The following MAN2A1 variants were observed in gnomAD, a reference collection of about 807,000 sequenced individuals.
MAN2A1 encodes the protein alpha-mannosidase 2.
In MAN2A1, 76 loss-of-function variants were observed where a neutral mutation model predicts 142.6. The observed-to-expected ratio is 0.53, with a 90% CI of 0.44 to 0.65. The LOEUF is 0.65. Ranked by LOEUF, MAN2A1 falls within the 30% of genes least tolerant of loss-of-function variation. The pLI is 0.00. For missense variants in MAN2A1, 1,311 were observed against 1,365.1 expected (o/e 0.96, Z 0.62); for synonymous variants, 559 against 473.2 (o/e 1.18, Z -2.35).
chr5:109,716,484 AAT>A (rs1751456244), intron 3 of MAN2A1, among the ~76,000 whole-genome samples: 1 of 152,236 alleles, frequency 6.6e-6, no homozygotes, highest in South Asian at 2.1e-4. Flanking sequence ...ATGAAATGGT[AAT>A]AAACAAAAAA....
intron 1 of MAN2A1, among the ~76,000 whole-genome samples, chr5:109,707,456 A>G (rs62377025): frequency 6.6e-6 from 1 of 152,174 alleles, no homozygotes; most frequent in African/African-American, 2.4e-5. Context: ...ATCAGGGTAC[A>G]GTACATTGAG....
At chr5:109,759,618 A>G (rs1752780914) in intron 5 of MAN2A1, among the ~76,000 whole-genome samples, 1 of 152,168 alleles carries the variant, frequency 6.6e-6, no homozygotes, top group South Asian at 2.1e-4. Context: ...AATGTTTACT[A>G]GCACTAGAAT....
At chr5:109,837,117 AGTGAACATGCTG>A (rs1416669789) in intron 16 of MAN2A1, among the ~76,000 whole-genome samples, 2 of 149,110 alleles carry the variant, frequency 1.3e-5, no homozygotes, top group African/African-American at 5.0e-5. Context: ...GCCAGTATGC[AGTGAACATGCTG>A]GTGTGTGCCT....
intron 16 of MAN2A1, chr5:109,839,989 C>T (rs1347384491): frequency 6.6e-6 from 1 of 150,568 alleles, no homozygotes; most frequent in East Asian, 2.0e-4. Context: ...ATTTTATTCA[C>T]TAACACATGC....
intron 1 of MAN2A1, among the ~76,000 whole-genome samples, chr5:109,696,814 C>T (rs1054840332): frequency 3.3e-5 from 5 of 152,158 alleles, no homozygotes; most frequent in African/African-American, 4.8e-5. Flanking sequence ...GATCAAAAGG[C>T]CGAAGCTCAA....
chr5:109,789,383 T>C (rs1266022525), intron 11 of MAN2A1, 77 bp from the exon 12 acceptor site: 1 of 834,696 alleles, frequency 1.2e-6, no homozygotes, highest in Non-Finnish European at 1.9e-6. Flanking sequence ...TAAACTTGAA[T>C]TTGAATGGTC....
In MAN2A1 at chr5:109,819,905, C is replaced by G; in HGVS notation, c.2328+18C>G. 2 of 1,473,544 alleles carry G rather than the reference C, an allele frequency of 1.4e-6. No homozygotes were observed. Among genetic ancestry groups the G allele is most frequent in the Non-Finnish European group, 1.8e-6 (2 of 1,090,906 alleles). 91.3% of individuals were successfully genotyped at this position (1,473,544 alleles called of 1,614,324 possible). A position where few individuals can be genotyped will look rare whatever the true frequency, so the allele number is the denominator to read the frequency against. Reference sequence around the variant, plus strand: ...TTATGAAGGTATGTTCTGAATAGTTCTAAAATTCATAGAATGCTTATCATT... The same window carrying G: ...TTATGAAGGTATGTTCTGAATAGTTGTAAAATTCATAGAATGCTTATCATT... On this transcript the variant is annotated intron_variant, in intron 14 of 21. Transcript: ENST00000261483.
intron 5 of MAN2A1, 67 bp from the exon 6 acceptor site, chr5:109,767,468 G>A (rs1753023032): frequency 1.5e-6 from 2 of 1,295,684 alleles, no homozygotes; most frequent in African/African-American, 3.0e-5. Context: ...GAGTCTGAAT[G>A]TGTTGTGACT....
intron 12 of MAN2A1, among the ~76,000 whole-genome samples, chr5:109,811,611 T>C (rs1269160197): frequency 6.6e-6 from 1 of 151,956 alleles, no homozygotes; most frequent in Non-Finnish European, 1.5e-5. Context: ...TGTGTGTCTG[T>C]GTCTGTGTGT....
At chr5:109,864,853 G>A (rs948753351) in intron 20 of MAN2A1, 183 bp from the exon 21 acceptor site, 5 of 601,022 alleles carry the variant, frequency 8.3e-6, no homozygotes, top group African/African-American at 5.6e-5. Flanking sequence ...CTCAGTACAA[G>A]TAGGAGAGAA....
At chr5:109,693,321 A>G (rs1484597696) in intron 1 of MAN2A1, among the ~76,000 whole-genome samples, 1 of 151,716 alleles carries the variant, frequency 6.6e-6, no homozygotes, top group Admixed American at 6.6e-5. Flanking sequence ...AATACCAAAC[A>G]TAGCAAAAGG....
rs146816739 is a variant in MAN2A1 at position 109,824,849 on chromosome 5, A to G, written c.2566+1012A>G. ...AATTTTGCTTTTATTTAACTTTTTT[A>G]TTAACTTCAAATTTCATTAGTATTT... On this transcript the variant is annotated intron_variant, in intron 16 of 21. Coordinates refer to ENST00000261483, the MANE Select transcript of MAN2A1 (RefSeq NM_002372.4). 4.7e-4 allele frequency among the ~76,000 whole-genome samples: 72 copies of G among 152,238 alleles called. 1 individual carries two copies. Among genetic ancestry groups the G allele is most frequent in the Middle Eastern group, 3.4e-3 (1 of 294 alleles).
At chr5:109,783,318 C>T (rs1753510422) in intron 9 of MAN2A1, among the ~76,000 whole-genome samples, 1 of 152,232 alleles carries the variant, frequency 6.6e-6, no homozygotes, top group East Asian at 1.9e-4. Context: ...TTTCATCTCT[C>T]TGCTCATTTG....
chr5:109,724,461 A>T (rs1236416998), intron 3 of MAN2A1, among the ~76,000 whole-genome samples: 1 of 152,178 alleles, frequency 6.6e-6, no homozygotes, highest in African/African-American at 2.4e-5. Context: ...ATGAAAGGAT[A>T]TTTCTGTTTT....
chr5:109,767,765 G>A (rs910378359), intron 6 of MAN2A1, 57 bp downstream of exon 6: 26 of 1,426,688 alleles, frequency 1.8e-5, no homozygotes, highest in Non-Finnish European at 2.5e-5. Flanking sequence ...TTTCACAAGG[G>A]TTATGAACTC....
intron 12 of MAN2A1, among the ~76,000 whole-genome samples, chr5:109,793,973 C>A (rs1753799011): frequency 6.6e-6 from 1 of 152,066 alleles, no homozygotes; most frequent in Non-Finnish European, 1.5e-5. Flanking sequence ...TAGCTTTTTT[C>A]TTTTCTTATG....
intron 1 of MAN2A1, among the ~76,000 whole-genome samples, chr5:109,700,479 T>G (rs1490565734): frequency 6.6e-6 from 1 of 152,158 alleles, no homozygotes; most frequent in East Asian, 1.9e-4. Flanking sequence ...GTGGCATTTA[T>G]GGGTCCTGGC....
chr5:109,724,756 G>A (rs182305454), intron 3 of MAN2A1, among the ~76,000 whole-genome samples: 46 of 152,160 alleles, frequency 3.0e-4, no homozygotes, highest in Admixed American at 9.8e-4. Context: ...TTTGTGGAGC[G>A]GGGTGCCTTC....
At chr5:109,797,262 A>T (rs893272617) in intron 12 of MAN2A1, among the ~76,000 whole-genome samples, 1 of 152,024 alleles carries the variant, frequency 6.6e-6, no homozygotes, top group Non-Finnish European at 1.5e-5. Flanking sequence ...AAATTTTTTT[A>T]AAAAAAGAGG....
Sources: gnomAD v4.1 joint callset for allele counts (sites outside exome capture counted in the v4.1 genomes callset) on GRCh38, gnomAD v4.1.1 for gene constraint, MANE v1.5 for transcripts, NCBI Gene and HGNC (gene_info 2026-07-23, HGNC 2026-07-21) for gene names.